Variants in TTC16 observed in about 807,000 individuals in gnomAD.
TTC16 encodes tetratricopeptide repeat domain 16, also known as tetratricopeptide repeat protein 16.
TTC16 carries 66 observed loss-of-function variants against 80.4 expected under a neutral mutation model. The observed-to-expected ratio is 0.82, with a 90% confidence interval of 0.67 to 1.01. TTC16 has a LOEUF of 1.01. Among genes scored for constraint, TTC16 ranks in the 50% least tolerant of loss-of-function variants. The pLI is 0.00. For missense variants in TTC16, 1,070 were observed against 1,103.2 expected, an observed-to-expected ratio of 0.97 and a Z score of 0.43; for synonymous variants, 438 against 451.3, an observed-to-expected ratio of 0.97 and a Z score of 0.37.
chr9:127,727,171 C>T, intron 11 of TTC16, 59 bp downstream of exon 11: 6 of 1,521,088 alleles, frequency 3.9e-6, no homozygotes, highest in South Asian at 2.6e-5. Flanking sequence ...GCTCCAGGCT[C>T]CTCTGGCTCC....
Position 127,730,705 on chromosome 9 carries a change from C to T in TTC16, c.1922C>T (p.Thr641Ile). Residue 641 changes from threonine (T) to isoleucine (I), a missense_variant, in exon 14 of 14, where the codon ACC becomes ATC. By Grantham distance (89) the Thr-to-Ile change is moderately conservative. Coordinates refer to ENST00000373289, the MANE Select transcript of TTC16 (RefSeq NM_144965.3). ...CAGGAATACAGGAGCACCTCAGCCA[C>T]CGCCGTGACATTCTCTGACTCGTCA... Reference protein sequence around the residue: ...ICQEYRSTSATAVTFSDSSLL... With the variant: ...ICQEYRSTSAIAVTFSDSSLL... The T allele has an allele frequency of 6.2e-7, 1 of 1,613,466 alleles. No individual in the cohort carries two copies. The highest frequency in any genetic ancestry group is 2.2e-5 in the East Asian group (1 of 44,884).
At chr9:127,720,525 C>T (rs1332703652) in intron 6 of TTC16, 130 bp downstream of exon 6, 4 of 1,233,514 alleles carry the variant, frequency 3.2e-6, no homozygotes, top group East Asian at 4.7e-5. Flanking sequence ...TGGGTGCTGT[C>T]CTCCCTGGGA....
rs142443239 is a variant in TTC16 at position 127,727,409 on chromosome 9, G to T, written c.1708G>T (p.Glu570Ter). The T allele has an allele frequency of 5.6e-6, 9 of 1,610,412 alleles. No individual in the cohort carries two copies. Among genetic ancestry groups the T allele is most frequent in the Non-Finnish European group, 7.6e-6 (9 of 1,178,990 alleles). ...EIPQVKPGSSEGEAEAPEEEE... is the reference protein window; with the variant it reads ...EIPQVKPGSS ...TCCGCAGGTAAAACCGGGAAGCTCAGAGGGAGAGGCTGAGGCCCCTGAGGA... is the reference window on the plus strand; with the variant it reads ...TCCGCAGGTAAAACCGGGAAGCTCATAGGGAGAGGCTGAGGCCCCTGAGGA... Residue 570 changes from glutamate (E) to a stop codon, truncating the protein, a stop_gained, in exon 12 of 14, where the codon GAG becomes TAG. Coordinates refer to ENST00000373289, the MANE Select transcript of TTC16 (RefSeq NM_144965.3). LOFTEE classifies it high-confidence loss of function.
intron 8 of TTC16, 123 bp downstream of exon 8, chr9:127,724,487 G>A: frequency 7.5e-7 from 1 of 1,338,648 alleles, no homozygotes; most frequent in Non-Finnish European, 1.0e-6. Context: ...GGAAGCAAGG[G>A]AAGAGGAAAT....
chr9:127,730,759 G>C lies in TTC16; in HGVS notation c.1976G>C (p.Gly659Ala), dbSNP rs750798832. 1 of 1,613,594 alleles carries C rather than the reference G, an allele frequency of 6.2e-7. No individual in the cohort carries two copies. The highest frequency in any genetic ancestry group is 8.5e-7 in the Non-Finnish European group (1 of 1,180,050). Residue 659 changes from glycine (G) to alanine (A), a missense_variant, in exon 14 of 14, where the codon GGG becomes GCG. Physicochemically the swap from Gly to Ala is moderately conservative, Grantham distance 60 (BLOSUM62 0). Coordinates refer to ENST00000373289, the MANE Select transcript of TTC16 (RefSeq NM_144965.3). ...TTGAAGACGCAATCCTCGGACTCTG[G>C]GAACAACAGGGAGGCACTAAGCCAT... is the stretch of plus-strand genomic sequence containing the variant. ...SLLKTQSSDS[G>A]NNREALSHGP...
At chr9:127,721,765 G>A (rs1046092344) in intron 6 of TTC16, among the ~76,000 whole-genome samples, 3 of 152,076 alleles carry the variant, frequency 2.0e-5, no homozygotes, top group Admixed American at 1.3e-4. Context: ...GTGCAGTGGC[G>A]AGATCTCGGC....
rs1843131841 is a variant in TTC16 at position 127,717,481 on chromosome 9, CT to C, written c.282+58del. 43 of 1,583,228 alleles carry C rather than the reference CT, an allele frequency of 2.7e-5. 1 individual carries two copies. In the South Asian group the frequency reaches 4.8e-4, roughly 18 times the overall value. ...TTGCTGGAACATGCTTCCTCCCTCC[CT>C]GTCGCACCTGCCAGATCCCTCCTCT... is the stretch of plus-strand genomic sequence containing the variant. On this transcript the variant is annotated intron_variant, in intron 3 of 13. Transcript: ENST00000373289.
intron 4 of TTC16, among the ~76,000 whole-genome samples, chr9:127,719,770 T>A (rs1330384573): frequency 6.6e-6 from 1 of 152,230 alleles, no homozygotes; most frequent in Non-Finnish European, 1.5e-5. Context: ...TGGAATGGGA[T>A]AACAGGTGTG....
Position 127,716,954 on chromosome 9 carries a change from A to T in TTC16, c.129A>T (p.Gln43His), listed in dbSNP as rs115326841. The change falls in exon 2 of 14, where the codon CAA (glutamine) becomes CAT (histidine). Residue 43 changes from glutamine (Q) to histidine (H), a missense_variant. Gln to His is a conservative substitution (Grantham distance 24). Coordinates refer to ENST00000373289, the MANE Select transcript of TTC16 (RefSeq NM_144965.3). ...TCTTTGGGACCAGCCACGTGTTCCA[A>T]AGCATCTGTGATGTAAAACCAAAGG... The part of the protein sequence containing the change: ...QHIFGTSHVF[Q>H]SICDVKPKVT... 2 of 1,614,070 alleles carry T rather than the reference A, an allele frequency of 1.2e-6. No individual in the cohort carries two copies. The highest frequency in any genetic ancestry group is 1.7e-6 in the Non-Finnish European group (2 of 1,179,990).
intron 12 of TTC16, 146 bp from the exon 13 acceptor site, chr9:127,729,435 T>A: frequency 3.1e-6 from 2 of 643,236 alleles, no homozygotes; most frequent in Non-Finnish European, 5.5e-6. Flanking sequence ...CCTCTGCGTG[T>A]CCCCACCCCA....
At chr9:127,717,934 G>C (rs1349903893) in intron 4 of TTC16, among the ~76,000 whole-genome samples, 162 bp downstream of exon 4, 1 of 152,156 alleles carries the variant, frequency 6.6e-6, no homozygotes, top group East Asian at 1.9e-4. Context: ...TACTGCCAGG[G>C]TTGAGTCAAG....
Position 127,731,455 on chromosome 9 carries a change from C to G in TTC16, c.*50C>G. On this transcript the variant is annotated 3_prime_UTR_variant, in exon 14 of 14. Coordinates refer to ENST00000373289, the MANE Select transcript of TTC16 (RefSeq NM_144965.3). ...TTGCTGGGGAGGGGACGAGTTCTACCCACCTCCCCACACTGGCACTCAGCC... is the reference window on the plus strand; with the variant it reads ...TTGCTGGGGAGGGGACGAGTTCTACGCACCTCCCCACACTGGCACTCAGCC... The G allele has an allele frequency of 6.4e-7, 1 of 1,553,100 alleles. No homozygotes were observed.
intron 1 of TTC16, chr9:127,716,622 A>G (rs1487732211): frequency 3.3e-6 from 2 of 605,304 alleles, no homozygotes; most frequent in African/African-American, 3.7e-5. Flanking sequence ...CTGATCCCTG[A>G]CCTTGACCAC....
rs761828643 is a variant in TTC16 at position 127,731,440 on chromosome 9, G to A, written c.*35G>A. 1 of 1,577,664 alleles carries A rather than the reference G, an allele frequency of 6.3e-7. No individual in the cohort carries two copies. The highest frequency in any genetic ancestry group is 2.2e-5 in the East Asian group (1 of 44,476). On this transcript the variant is annotated 3_prime_UTR_variant, in exon 14 of 14. Transcript: ENST00000373289. ...CCAGACCCTCCCTTCTTGCTGGGGAGGGGACGAGTTCTACCCACCTCCCCA... is the reference window on the plus strand; with the variant it reads ...CCAGACCCTCCCTTCTTGCTGGGGAAGGGACGAGTTCTACCCACCTCCCCA...
rs554893756 is a variant in TTC16, at chr9:127,720,411, C to T, written c.657+16C>T. The T allele has an allele frequency of 1.5e-5, 11 of 715,892 alleles. No individual in the cohort carries two copies. The highest frequency in any genetic ancestry group is 5.5e-5 in the African/African-American group (3 of 54,764). 44.3% of individuals were successfully genotyped at this position (715,892 alleles called of 1,614,324 possible). A position where few individuals can be genotyped will look rare whatever the true frequency, so the allele number is the denominator to read the frequency against. On this transcript the variant is annotated intron_variant, in intron 6 of 13. Coordinates refer to ENST00000373289, the MANE Select transcript of TTC16 (RefSeq NM_144965.3). ...TCTCCAGAAGGTACAGTGGGGAGGGCGGGCAGGGGCATGCCCCCCAACCTG... is the reference window on the plus strand; with the variant it reads ...TCTCCAGAAGGTACAGTGGGGAGGGTGGGCAGGGGCATGCCCCCCAACCTG...
In TTC16 at chr9:127,720,085, GC is replaced by G. The variant is rs764100328; in HGVS notation, c.436del (p.Leu146PhefsTer11). On this transcript the variant is annotated frameshift_variant, in exon 5 of 14. Coordinates refer to ENST00000373289, the MANE Select transcript of TTC16 (RefSeq NM_144965.3). LOFTEE classifies it high-confidence loss of function. ...LTFVLYLQGQ[C>X]LFEQCAFLDA... ...TGTCCCCTGTGTCCCCAGGGACAAT[GC>G]CTTTTTGAGCAGTGTGCCTTCCTGG... is the stretch of plus-strand genomic sequence containing the variant. The G allele has an allele frequency of 4.5e-5, 73 of 1,613,820 alleles. No homozygotes were observed. In the East Asian group the frequency reaches 1.6e-3, roughly 35 times the overall value.
rs955577085 is a variant in TTC16, at chr9:127,731,194, A to G, written c.2411A>G (p.Lys804Arg). The change falls in exon 14 of 14, where the codon AAG becomes AGG. Residue 804 changes from lysine to arginine, a missense_variant. Lys to Arg is a conservative substitution (Grantham distance 26, BLOSUM62 2). Coordinates refer to ENST00000373289, the MANE Select transcript of TTC16 (RefSeq NM_144965.3). ...AGGGGACTGCTCCGAAGTTCCACCA[A>G]GACTGAGGCTTTCTATGACTCAAAC... The part of the protein sequence containing the change: ...RSRGLLRSST[K>R]TEAFYDSNWS... The G allele has an allele frequency of 6.2e-7, 1 of 1,612,966 alleles. No individual in the cohort carries two copies. The highest frequency in any genetic ancestry group is 8.5e-7 in the Non-Finnish European group (1 of 1,179,916).
intron 3 of TTC16, 74 bp downstream of exon 3, chr9:127,717,498 T>G (rs1588417317): frequency 6.3e-7 from 1 of 1,576,936 alleles, no homozygotes; most frequent in African/African-American, 1.3e-5. Context: ...ACCTGCCAGA[T>G]CCCTCCTCTC....
intron 1 of TTC16, 134 bp downstream of exon 1, chr9:127,716,297 G>A: frequency 7.5e-7 from 1 of 1,326,980 alleles, no homozygotes; most frequent in Non-Finnish European, 1.1e-6. Flanking sequence ...TGGCCGCCAT[G>A]CCAAGAACCA....
Sources: allele counts gnomAD v4.1 joint callset (sites outside exome capture counted in the v4.1 genomes callset), GRCh38; gene constraint gnomAD v4.1.1; transcripts MANE v1.5; gene names NCBI Gene and HGNC (gene_info 2026-07-23, HGNC 2026-07-21).